RBFOX1: variants seen among roughly 807,000 people sequenced by gnomAD.
RBFOX1 encodes RNA binding fox-1 homolog 1, also known as RNA binding protein fox-1 homolog 1.
RBFOX1 carries 8 observed loss-of-function variants against 57.7 expected under a neutral mutation model. That is an observed-to-expected ratio of 0.14 (90% CI 0.08 to 0.25). RBFOX1 has a LOEUF of 0.25. Among genes scored for constraint, RBFOX1 ranks in the 10% least tolerant of loss-of-function variants. The pLI is 1.00. For missense variants in RBFOX1, 611 were observed against 548.5 expected (o/e 1.11, Z -1.14); for synonymous variants, 326 against 222.4 (o/e 1.47, Z -4.15).
chr16:5,308,416 C>T (rs567126142), intron 1 of RBFOX1, among the ~76,000 whole-genome samples: 1 of 152,228 alleles, frequency 6.6e-6, no homozygotes, highest in Non-Finnish European at 1.5e-5. Flanking sequence ...AGCTTCAACA[C>T]CCCAGTGGTG....
chr16:7,026,485 A>G (rs767441978), intron 3 of RBFOX1, among the ~76,000 whole-genome samples: 24 of 151,984 alleles, frequency 1.6e-4, no homozygotes, highest in Non-Finnish European at 2.8e-4. Flanking sequence ...CACACTTCCA[A>G]TCTGCCTCTT....
At chr16:6,977,109 A>T (rs529865678) in intron 3 of RBFOX1, among the ~76,000 whole-genome samples, 1 of 142,184 alleles carries the variant, frequency 7.0e-6, no homozygotes. Flanking sequence ...TATCATATAT[A>T]TGATCTATAT....
intron 4 of RBFOX1, among the ~76,000 whole-genome samples, chr16:7,502,611 A>C (rs1235126262): frequency 1.3e-5 from 2 of 152,166 alleles, no homozygotes; most frequent in African/African-American, 2.4e-5. Flanking sequence ...TTTTTTAATT[A>C]TACTTTAAGT....
At position 7,710,782 on chromosome 16, in the gene RBFOX1, A is replaced by G; in HGVS notation, c.*37A>G. 1 of 1,499,084 alleles carries G rather than the reference A, an allele frequency of 6.7e-7. No homozygotes were observed. The highest frequency in any genetic ancestry group is 8.9e-7 in the Non-Finnish European group (1 of 1,118,044). 92.9% of individuals were successfully genotyped at this position (1,499,084 alleles called of 1,614,324 possible). ...ATAAAAACCTTCCAATGTGGGGAGA[A>G]AGGAAGCTTTCCGAGGCCTGAGTAT... is the stretch of plus-strand genomic sequence containing the variant. On this transcript the variant is annotated 3_prime_UTR_variant, in exon 16 of 16. Transcript: ENST00000550418.
At chr16:5,243,944 T>G (rs988460943) in intron 1 of RBFOX1, among the ~76,000 whole-genome samples, 1 of 152,160 alleles carries the variant, frequency 6.6e-6, no homozygotes, top group African/African-American at 2.4e-5. Flanking sequence ...TTGCCCAGGC[T>G]GGAGTGCAGT....
At chr16:6,482,767 G>A (rs553337112) in intron 2 of RBFOX1, among the ~76,000 whole-genome samples, 87 of 152,300 alleles carry the variant, frequency 5.7e-4, no homozygotes, top group African/African-American at 2.0e-3. Flanking sequence ...GGGGCGCGGT[G>A]CTGGGGTCTT....
chr16:6,912,835 G>C (rs1781929089), intron 3 of RBFOX1, among the ~76,000 whole-genome samples: 1 of 151,814 alleles, frequency 6.6e-6, no homozygotes, highest in Non-Finnish European at 1.5e-5. Context: ...GCCCAGGCTA[G>C]ACTCAAACTC....
At chr16:7,561,961 C>G (rs985661217) in intron 5 of RBFOX1, among the ~76,000 whole-genome samples, 1 of 151,798 alleles carries the variant, frequency 6.6e-6, no homozygotes, top group Non-Finnish European at 1.5e-5. Flanking sequence ...ATAGGTTGGC[C>G]TTGATTTCTG....
At chr16:7,629,825 G>T (rs979825528) in intron 10 of RBFOX1, among the ~76,000 whole-genome samples, 6 of 152,240 alleles carry the variant, frequency 3.9e-5, no homozygotes, top group African/African-American at 1.4e-4. Flanking sequence ...CAATGCAGCC[G>T]CAGTTTGCAG....
chr16:5,530,292 G>T (rs2151032131), intron 2 of RBFOX1, among the ~76,000 whole-genome samples: 1 of 152,266 alleles, frequency 6.6e-6, no homozygotes, highest in Middle Eastern at 3.4e-3. Flanking sequence ...TGCTTCTTTT[G>T]TGCCTGGCCT....
At chr16:6,604,677 CTTT>C (rs1483154319) in intron 2 of RBFOX1, among the ~76,000 whole-genome samples, 3 of 152,144 alleles carry the variant, frequency 2.0e-5, no homozygotes, top group African/African-American at 7.2e-5. Context: ...CATATTGAAA[CTTT>C]TTATTAAGCA....
chr16:5,951,011 A>G (rs1360355512), intron 4 of RBFOX1, among the ~76,000 whole-genome samples: 1 of 152,114 alleles, frequency 6.6e-6, no homozygotes, highest in Non-Finnish European at 1.5e-5. Flanking sequence ...ACTTTTCATC[A>G]CTGTCTCTCC....
At chr16:6,193,369 T>TAC in intron 1 of RBFOX1, among the ~76,000 whole-genome samples, 1 of 112,246 alleles carries the variant, frequency 8.9e-6, no homozygotes, top group South Asian at 2.8e-4. Context: ...TATATATATA[T>TAC]ATATATACAT....
At chr16:6,297,024 G>A (rs765988872) in intron 1 of RBFOX1, among the ~76,000 whole-genome samples, 1 of 152,280 alleles carries the variant, frequency 6.6e-6, no homozygotes, top group Non-Finnish European at 1.5e-5. Context: ...AACAAGGGGT[G>A]GGTTATTCAT....
At chr16:6,879,684 G>A (rs145101670) in intron 3 of RBFOX1, among the ~76,000 whole-genome samples, 404 of 152,200 alleles carry the variant, frequency 2.7e-3, no homozygotes, top group African/African-American at 9.1e-3. Context: ...TATGTTGTAC[G>A]TCTCTGTTTA....
intron 3 of RBFOX1, among the ~76,000 whole-genome samples, chr16:5,704,290 A>G (rs1387083770): frequency 6.6e-6 from 1 of 152,184 alleles, no homozygotes; most frequent in Non-Finnish European, 1.5e-5. Context: ...ACTCCTCTGG[A>G]GGAACTCTGG....
chr16:6,932,270 AT>A (rs561204261), intron 3 of RBFOX1, among the ~76,000 whole-genome samples: 1 of 151,638 alleles, frequency 6.6e-6, no homozygotes, highest in East Asian at 1.9e-4. Flanking sequence ...CACCTGGCTA[AT>A]TTTTTTTGAA....
intron 3 of RBFOX1, among the ~76,000 whole-genome samples, chr16:5,844,448 C>T (rs1404520832): frequency 6.6e-6 from 1 of 152,172 alleles, no homozygotes; most frequent in East Asian, 1.9e-4. Context: ...ATGTGTTTGG[C>T]CACGTGAGAG....
chr16:5,866,831 C>T (rs946971389), intron 3 of RBFOX1, among the ~76,000 whole-genome samples: 1 of 152,076 alleles, frequency 6.6e-6, no homozygotes, highest in African/African-American at 2.4e-5. Context: ...CTCTATTTCA[C>T]AATATTTTGA....
Sources: allele counts gnomAD v4.1 joint callset (sites outside exome capture counted in the v4.1 genomes callset), GRCh38; gene constraint gnomAD v4.1.1; transcripts MANE v1.5; gene names NCBI Gene and HGNC (gene_info 2026-07-23, HGNC 2026-07-21).